IMMP2L: variants seen among roughly 807,000 people sequenced by gnomAD.
The protein encoded by IMMP2L is inner mitochondrial membrane peptidase subunit 2.
Under a neutral mutation model 19.3 loss-of-function variants are expected in IMMP2L, and 18 were observed. That is an observed-to-expected ratio of 0.93 (90% CI 0.64 to 1.38). IMMP2L has a LOEUF of 1.38. Ranked by LOEUF, IMMP2L falls within the 40% of genes most tolerant of loss-of-function variation. The pLI is 0.00. For missense variants in IMMP2L, 233 were observed against 218.2 expected (o/e 1.07, Z -0.43); for synonymous variants, 76 against 73.0 (o/e 1.04, Z -0.21).
In IMMP2L at chr7:111,356,760, C is replaced by T. The variant is rs533958158; in HGVS notation, c.239+130478G>A. Among the ~76,000 whole-genome samples, 6 of 152,248 alleles carry T rather than the reference C, an allele frequency of 3.9e-5. No homozygotes were observed. The South Asian group carries it at 1.2e-3, about 32-fold the overall frequency. On this transcript the variant is annotated intron_variant, in intron 3 of 5. Coordinates refer to ENST00000405709, the MANE Select transcript of IMMP2L (RefSeq NM_032549.4). ...AGCATATATAGGCTGGGCTCAGTGG[C>T]TCATGCCTGTAATCCCTGCACTTTG...
intron 3 of IMMP2L, among the ~76,000 whole-genome samples, chr7:111,157,824 C>G (rs1804813196): frequency 6.6e-6 from 1 of 152,000 alleles, no homozygotes; most frequent in African/African-American, 2.4e-5. Context: ...CCATATCAAA[C>G]TATCTCATGT....
At chr7:111,478,265 T>G (rs1370473316) in intron 3 of IMMP2L, among the ~76,000 whole-genome samples, 1 of 152,200 alleles carries the variant, frequency 6.6e-6, no homozygotes, top group African/African-American at 2.4e-5. Flanking sequence ...TCTAATAAAC[T>G]AATCTATTGA....
intron 1 of IMMP2L, among the ~76,000 whole-genome samples, chr7:111,559,999 A>C (rs1169439423): frequency 1.4e-5 from 2 of 141,302 alleles, no homozygotes; most frequent in Non-Finnish European, 3.0e-5. Context: ...TTATCAAATA[A>C]CAGTGAAATA....
chr7:111,097,824 C>G (rs185695690), intron 3 of IMMP2L, among the ~76,000 whole-genome samples: 1 of 151,768 alleles, frequency 6.6e-6, no homozygotes, highest in Admixed American at 6.6e-5. Context: ...CCACAATGAC[C>G]TTTACTGAAA....
intron 3 of IMMP2L, among the ~76,000 whole-genome samples, chr7:111,352,576 C>T (rs1375812667): frequency 6.6e-6 from 1 of 152,032 alleles, no homozygotes; most frequent in Non-Finnish European, 1.5e-5. Flanking sequence ...TATCAGAAAA[C>T]ATAATCTAGT....
intron 3 of IMMP2L, among the ~76,000 whole-genome samples, chr7:111,332,512 T>C (rs569136778): frequency 6.6e-6 from 1 of 152,054 alleles, no homozygotes; most frequent in African/African-American, 2.4e-5. Flanking sequence ...TACCAAATAA[T>C]ATAGTACCTT....
intron 5 of IMMP2L, among the ~76,000 whole-genome samples, chr7:110,811,499 G>C (rs1395967055): frequency 1.3e-5 from 2 of 151,988 alleles, no homozygotes; most frequent in African/African-American, 4.8e-5. Context: ...AGCTGGAACA[G>C]GTGAAGGTAA....
chr7:111,522,682 A>G (rs942367220), intron 1 of IMMP2L, among the ~76,000 whole-genome samples: 2 of 152,028 alleles, frequency 1.3e-5, no homozygotes, highest in Non-Finnish European at 2.9e-5. Context: ...ATATCTGTTT[A>G]TGGGAATGTA....
chr7:111,040,770 C>G (rs1216656711), intron 3 of IMMP2L, among the ~76,000 whole-genome samples: 1 of 149,272 alleles, frequency 6.7e-6, no homozygotes, highest in African/African-American at 2.4e-5. Flanking sequence ...CCTTATAAAA[C>G]TATATAAAAT....
intron 3 of IMMP2L, among the ~76,000 whole-genome samples, chr7:111,427,710 T>C (rs1207992800): frequency 6.6e-6 from 1 of 151,798 alleles, no homozygotes; most frequent in East Asian, 1.9e-4. Flanking sequence ...GATATTAATC[T>C]CCATGCTATG....
At chr7:111,130,966 A>C (rs1352299775) in intron 3 of IMMP2L, among the ~76,000 whole-genome samples, 2 of 152,018 alleles carry the variant, frequency 1.3e-5, no homozygotes, top group Admixed American at 1.3e-4. Flanking sequence ...CAATGAAACA[A>C]AATTCTAGTA....
At chr7:110,912,380 C>T (rs1383809394) in intron 4 of IMMP2L, among the ~76,000 whole-genome samples, 1 of 152,032 alleles carries the variant, frequency 6.6e-6, no homozygotes, top group Non-Finnish European at 1.5e-5. Flanking sequence ...AATTATAATA[C>T]ATTCAAGCTG....
intron 3 of IMMP2L, chr7:111,411,485 A>G (rs1246124289): frequency 5.9e-5 from 28 of 470,736 alleles, no homozygotes; most frequent in Non-Finnish European, 1.1e-4. Flanking sequence ...CAAGCACGGC[A>G]TGGGCTGTAT....
At chr7:111,176,030 T>C (rs1807021197) in intron 3 of IMMP2L, among the ~76,000 whole-genome samples, 1 of 151,998 alleles carries the variant, frequency 6.6e-6, no homozygotes, top group Admixed American at 6.6e-5. Flanking sequence ...GTGCTCAACA[T>C]CACTGATCAA....
intron 3 of IMMP2L, among the ~76,000 whole-genome samples, chr7:111,129,611 A>T (rs1304560110): frequency 6.6e-6 from 1 of 152,098 alleles, no homozygotes; most frequent in Non-Finnish European, 1.5e-5. Flanking sequence ...GCTTGGGAGA[A>T]CTACAGCGTT....
chr7:111,422,849 TG>T (rs1835707727), intron 3 of IMMP2L, among the ~76,000 whole-genome samples: 1 of 151,852 alleles, frequency 6.6e-6, no homozygotes, highest in African/African-American at 2.4e-5. Context: ...ATATTGGCTG[TG>T]GGTTTGTCAT....
At chr7:110,825,534 A>G (rs1220042072) in intron 5 of IMMP2L, among the ~76,000 whole-genome samples, 1 of 152,152 alleles carries the variant, frequency 6.6e-6, no homozygotes, top group Non-Finnish European at 1.5e-5. Context: ...ATAATACCAC[A>G]CATCTACAAC....
At chr7:110,771,908 T>C (rs1034708505) in intron 5 of IMMP2L, among the ~76,000 whole-genome samples, 28 of 152,150 alleles carry the variant, frequency 1.8e-4, no homozygotes, top group African/African-American at 6.5e-4. Flanking sequence ...ACCCAGCACT[T>C]GGTTACAGAA....
chr7:111,550,175 A>G (rs1165967421), intron 1 of IMMP2L, among the ~76,000 whole-genome samples: 1 of 152,164 alleles, frequency 6.6e-6, no homozygotes, highest in Non-Finnish European at 1.5e-5. Flanking sequence ...ATAATCTGCA[A>G]TACCAATAAA....
Sources: allele counts gnomAD v4.1 joint callset (sites outside exome capture counted in the v4.1 genomes callset), GRCh38; gene constraint gnomAD v4.1.1; transcripts MANE v1.5; gene names NCBI Gene and HGNC (gene_info 2026-07-23, HGNC 2026-07-21).